Variants in BICC1 observed in about 807,000 individuals in gnomAD.
BICC1 encodes protein bicaudal C homolog 1.
Under a neutral mutation model 111.0 loss-of-function variants are expected in BICC1, and 43 were observed. The ratio of observed to expected loss-of-function variants is 0.39; its 90% CI spans 0.30 to 0.50. The LOEUF is 0.50. Among genes scored for constraint, BICC1 ranks in the 20% least tolerant of loss-of-function variants. The probability of loss-of-function intolerance (pLI) is 0.88; values close to 1 mark genes in which losing one functional copy is unlikely to be tolerated. For synonymous variants in BICC1, 467 were observed against 434.4 expected, an observed-to-expected ratio of 1.07 and a Z score of -0.93; for missense variants, 1,091 against 1,203.2, an observed-to-expected ratio of 0.91 and a Z score of 1.38.
chr10:58,613,201 A>G (rs1199155570), intron 1 of BICC1, among the ~76,000 whole-genome samples: 1 of 152,212 alleles, frequency 6.6e-6, no homozygotes, highest in Non-Finnish European at 1.5e-5. Context: ...GTTGTGTGTC[A>G]TGAAAATAAA....
At chr10:58,807,276 T>G in intron 17 of BICC1, 118 bp downstream of exon 17, 1 of 919,382 alleles carries the variant, frequency 1.1e-6, no homozygotes, top group Non-Finnish European at 1.6e-6. Flanking sequence ...GGTGACTTGT[T>G]TTTATTTCTA....
intron 1 of BICC1, among the ~76,000 whole-genome samples, chr10:58,608,186 A>G (rs944147336): frequency 2.0e-5 from 3 of 152,050 alleles, no homozygotes; most frequent in Non-Finnish European, 4.4e-5. Flanking sequence ...CCCGCATTCT[A>G]TAACAACCAT....
rs1844547388 is a variant in BICC1, at chr10:58,831,433, C to G, written c.*2542C>G. 6.7e-6 allele frequency: 1 copy of G among 149,962 alleles called. No individual in the cohort carries two copies. Among genetic ancestry groups the G allele is most frequent in the South Asian group, 2.1e-4 (1 of 4,750 alleles). 9.3% of individuals were successfully genotyped at this position (149,962 alleles called of 1,614,324 possible). On this transcript the variant is annotated 3_prime_UTR_variant, in exon 21 of 21. Transcript: ENST00000373886. ...ATATAACCCCTTTGTATTGCTCTTGCTATATGAAGCGTGTCTTTTTTTAAA... is the reference window on the plus strand; with the variant it reads ...ATATAACCCCTTTGTATTGCTCTTGGTATATGAAGCGTGTCTTTTTTTAAA...
chr10:58,708,564 A>G (rs1840471768), intron 3 of BICC1, among the ~76,000 whole-genome samples: 1 of 152,148 alleles, frequency 6.6e-6, no homozygotes, highest in South Asian at 2.1e-4. Context: ...ACAGGGTTTT[A>G]TAGACAGGCT....
chr10:58,601,139 CTTAT>C (rs1226072363), intron 1 of BICC1, among the ~76,000 whole-genome samples: 2 of 39,848 alleles, frequency 5.0e-5, no homozygotes. Context: ...CATTTTAAAA[CTTAT>C]ATATATATAT....
At chr10:58,523,541 A>T (rs564317914) in intron 1 of BICC1, among the ~76,000 whole-genome samples, 1 of 152,336 alleles carries the variant, frequency 6.6e-6, no homozygotes, top group Admixed American at 6.5e-5. Flanking sequence ...TTAGGTATTG[A>T]TGGGACGTAT....
intron 3 of BICC1, among the ~76,000 whole-genome samples, chr10:58,760,155 A>C (rs1842270381): frequency 6.6e-6 from 1 of 152,104 alleles, no homozygotes; most frequent in Non-Finnish European, 1.5e-5. Context: ...GAATGAGAGA[A>C]TAGTGTTAAA....
Position 58,703,441 on chromosome 10 carries a change from T to C in BICC1, c.307+1298T>C, listed in dbSNP as rs372461009. 2.4e-3 allele frequency among the ~76,000 whole-genome samples: 367 copies of C among 152,220 alleles called. 2 individuals are homozygous for C. The highest frequency in any genetic ancestry group is 8.2e-3 in the African/African-American group (340 of 41,546). On this transcript the variant is annotated intron_variant, in intron 3 of 20. Transcript: ENST00000373886. ...TCTTCCAGAGTGTTGGGATTACAGG[T>C]GTGAGCCACCGCACCCAGCCTTGTT...
At chr10:58,649,796 AC>A (rs1681179992) in intron 2 of BICC1, among the ~76,000 whole-genome samples, 1 of 152,044 alleles carries the variant, frequency 6.6e-6, no homozygotes, top group African/African-American at 2.4e-5. Flanking sequence ...CATAGGTTCT[AC>A]TGTTGTTCTT....
intron 1 of BICC1, among the ~76,000 whole-genome samples, chr10:58,587,983 C>T (rs1844483910): frequency 6.6e-6 from 1 of 152,126 alleles, no homozygotes; most frequent in Non-Finnish European, 1.5e-5. Flanking sequence ...AAGAGGATCT[C>T]ATTTAGATTG....
intron 2 of BICC1, among the ~76,000 whole-genome samples, chr10:58,677,292 G>A (rs1388843689): frequency 2.0e-5 from 3 of 152,170 alleles, no homozygotes; most frequent in Non-Finnish European, 2.9e-5. Context: ...TGCAAAGGAA[G>A]CTGAGAACCT....
At chr10:58,772,396 A>ATT in intron 3 of BICC1, among the ~76,000 whole-genome samples, 1 of 152,292 alleles carries the variant, frequency 6.6e-6, no homozygotes, top group Admixed American at 6.5e-5. Context: ...AACTGAAAGG[A>ATT]AGTAATGATT....
rs1843371154 is a variant in BICC1, at chr10:58,553,973, A to G, written c.190+40640A>G. On this transcript the variant is annotated intron_variant, in intron 1 of 20. Transcript: ENST00000373886. ...GGAATGGTGACTTATAGAACTAAAAACATTGAATAACTTATGTTTCAATTT... is the reference window on the plus strand; with the variant it reads ...GGAATGGTGACTTATAGAACTAAAAGCATTGAATAACTTATGTTTCAATTT... 2.0e-5 allele frequency among the ~76,000 whole-genome samples: 3 copies of G among 152,278 alleles called. No individual in the cohort carries two copies. In the East Asian group the frequency reaches 5.8e-4, roughly 29 times the overall value.
intron 1 of BICC1, among the ~76,000 whole-genome samples, chr10:58,536,540 C>T (rs1842830637): frequency 6.6e-6 from 1 of 151,712 alleles, no homozygotes; most frequent in African/African-American, 2.4e-5. Context: ...CACAAGTTCT[C>T]AGAACCTCTA....
chr10:58,533,156 C>T (rs968046144), intron 1 of BICC1, among the ~76,000 whole-genome samples: 3 of 151,866 alleles, frequency 2.0e-5, no homozygotes, highest in Admixed American at 6.6e-5. Flanking sequence ...GCTTCATCAG[C>T]GAGTTGTTCT....
intron 9 of BICC1, among the ~76,000 whole-genome samples, chr10:58,794,672 A>G (rs1181014198): frequency 1.3e-5 from 2 of 152,146 alleles, no homozygotes; most frequent in Non-Finnish European, 2.9e-5. Context: ...CACCCACCAC[A>G]GCCTCCCAAA....
intron 3 of BICC1, among the ~76,000 whole-genome samples, chr10:58,715,287 C>CA (rs1303985002): frequency 4.6e-5 from 7 of 152,020 alleles, no homozygotes; most frequent in Non-Finnish European, 1.0e-4. Context: ...TACTCTTAAG[C>CA]AAAATAAATT....
chr10:58,697,089 C>A (rs991417269), intron 2 of BICC1, among the ~76,000 whole-genome samples: 1 of 152,220 alleles, frequency 6.6e-6, no homozygotes, highest in African/African-American at 2.4e-5. Flanking sequence ...ACATTTCACA[C>A]AACTGGGAGG....
intron 2 of BICC1, among the ~76,000 whole-genome samples, chr10:58,671,303 G>A (rs969933978): frequency 9.2e-5 from 14 of 152,180 alleles, no homozygotes; most frequent in Non-Finnish European, 4.4e-5. Context: ...CAGGTCTGGT[G>A]TGGTGGCTGT....
Sources: gnomAD v4.1 joint callset for allele counts (sites outside exome capture counted in the v4.1 genomes callset) on GRCh38, gnomAD v4.1.1 for gene constraint, MANE v1.5 for transcripts, NCBI Gene and HGNC (gene_info 2026-07-23, HGNC 2026-07-21) for gene names.